Variants in NGEF observed in about 807,000 individuals in gnomAD.
The protein encoded by NGEF is neuronal guanine nucleotide exchange factor, also known as ephexin-1.
In NGEF, 31 loss-of-function variants were observed where a neutral mutation model predicts 80.9. The observed-to-expected ratio is 0.38, with a 90% CI of 0.29 to 0.52. NGEF has a LOEUF of 0.52. Ranked by LOEUF, NGEF falls within the 20% of genes least tolerant of loss-of-function variation. NGEF has a pLI of 0.84. For missense variants in NGEF, 709 were observed against 926.2 expected (o/e 0.77, Z 3.04); for synonymous variants, 371 against 370.2 (o/e 1.00, Z -0.03).
intron 1 of NGEF, among the ~76,000 whole-genome samples, chr2:233,010,520 C>T (rs943414247): frequency 6.6e-6 from 1 of 152,208 alleles, no homozygotes; most frequent in Non-Finnish European, 1.5e-5. Flanking sequence ...TCCATGCAGG[C>T]CTTGCTGATC....
chr2:232,910,605 C>T (rs1559205661), intron 5 of NGEF, among the ~76,000 whole-genome samples: 1 of 152,160 alleles, frequency 6.6e-6, no homozygotes, highest in Admixed American at 6.5e-5. Context: ...CTGGGTAGTA[C>T]CATAAGTGCA....
chr2:232,905,098 C>T, intron 5 of NGEF, among the ~76,000 whole-genome samples: 1 of 150,320 alleles, frequency 6.7e-6, no homozygotes. Flanking sequence ...CCCTCTCTCT[C>T]CTCTCACCTC....
rs13425959 is a variant in NGEF at position 232,975,744 on chromosome 2, G to A, written c.-74-780C>T. ...AGTGGGTCTAAGCTGGTGGGACAGCGTGTTAGACAGAGAGGCCGAGCTAGG... is the reference window on the plus strand; with the variant it reads ...AGTGGGTCTAAGCTGGTGGGACAGCATGTTAGACAGAGAGGCCGAGCTAGG... On this transcript the variant is annotated intron_variant, in intron 1 of 14. Transcript: ENST00000264051. 3.9e-3 allele frequency among the ~76,000 whole-genome samples: 593 copies of A among 152,244 alleles called. 3 individuals carry two copies. Among genetic ancestry groups the A allele is most frequent in the South Asian group, 0.011 (55 of 4,822 alleles).
chr2:232,990,766 T>C (rs1021804682), intron 1 of NGEF, among the ~76,000 whole-genome samples: 3 of 151,966 alleles, frequency 2.0e-5, no homozygotes, highest in Non-Finnish European at 2.9e-5. Context: ...CTAAACCAGA[T>C]AAAAGTCACA....
intron 3 of NGEF, among the ~76,000 whole-genome samples, chr2:232,940,025 C>A (rs998600920): frequency 1.3e-5 from 2 of 151,638 alleles, no homozygotes; most frequent in African/African-American, 2.4e-5. Flanking sequence ...TGAGGTCTCA[C>A]GAGAAGACCA....
At chr2:232,940,231 G>A (rs146729583) in intron 3 of NGEF, among the ~76,000 whole-genome samples, 18 of 152,272 alleles carry the variant, frequency 1.2e-4, no homozygotes, top group South Asian at 2.1e-4. Flanking sequence ...TGATAGCACC[G>A]TACAAATTAG....
At chr2:232,943,525 T>A (rs1308096969) in intron 3 of NGEF, among the ~76,000 whole-genome samples, 1 of 145,994 alleles carries the variant, frequency 6.8e-6, no homozygotes, top group Non-Finnish European at 1.5e-5. Flanking sequence ...AGACGGAGTC[T>A]CACTCTGTCG....
intron 3 of NGEF, among the ~76,000 whole-genome samples, chr2:232,937,468 G>A (rs555633656): frequency 1.3e-5 from 2 of 152,154 alleles, no homozygotes; most frequent in Admixed American, 6.6e-5. Flanking sequence ...GTTAATGGAC[G>A]ATCCAGGCTG....
At chr2:232,939,745 C>T (rs540878579) in intron 3 of NGEF, among the ~76,000 whole-genome samples, 5 of 152,208 alleles carry the variant, frequency 3.3e-5, no homozygotes, top group Non-Finnish European at 7.4e-5. Context: ...TGCCTGTAAT[C>T]CCAGCACTTT....
intron 3 of NGEF, among the ~76,000 whole-genome samples, chr2:232,948,587 A>G: frequency 6.6e-6 from 1 of 152,188 alleles, no homozygotes; most frequent in Non-Finnish European, 1.5e-5. Context: ...TTGACTCTAG[A>G]TTGAGGCCAT....
intron 3 of NGEF, among the ~76,000 whole-genome samples, chr2:232,965,455 G>C (rs1268626739): frequency 6.6e-6 from 1 of 152,126 alleles, no homozygotes; most frequent in Non-Finnish European, 1.5e-5. Flanking sequence ...CAAGAGCAGG[G>C]ATTCAGTTAT....
chr2:232,932,211 C>T (rs1353466591), intron 3 of NGEF, among the ~76,000 whole-genome samples: 4 of 143,318 alleles, frequency 2.8e-5, no homozygotes, highest in Non-Finnish European at 6.0e-5. Flanking sequence ...ATTGCCCAGG[C>T]TGGAGTGCAG....
At chr2:232,987,283 G>T (rs571483616) in intron 1 of NGEF, among the ~76,000 whole-genome samples, 1 of 152,294 alleles carries the variant, frequency 6.6e-6, no homozygotes, top group Non-Finnish European at 1.5e-5. Flanking sequence ...CTCCCAAAGT[G>T]CTGAGATTAC....
intron 3 of NGEF, among the ~76,000 whole-genome samples, chr2:232,954,455 G>A (rs948845828): frequency 3.3e-5 from 5 of 152,184 alleles, no homozygotes; most frequent in Admixed American, 6.5e-5. Context: ...GCCGGGCGCA[G>A]TGGCTCACAC....
rs1694788464 is a variant in NGEF, at chr2:232,995,371, A to ACTGTGTACAGTATG, written c.-75+17696_-75+17697insCATACTGTACACAG. Among the ~76,000 whole-genome samples, 2 of 12,830 alleles carry ACTGTGTACAGTATG rather than the reference A, an allele frequency of 1.6e-4. 1 individual carries two copies. The highest frequency in any genetic ancestry group is 1.3e-3 in the African/African-American group (2 of 1,582). The allele number at this position is 12,830 out of a possible 152,430, so 8.4% of individuals were successfully genotyped here. A position where few individuals can be genotyped will look rare whatever the true frequency, so the allele number is the denominator to read the frequency against. ...AGTATGTATACTGTATACTGTATAT[A>ACTGTGTACAGTATG]TATACACAGTATGTATACTGTATAC... On this transcript the variant is annotated intron_variant, in intron 1 of 14. Transcript: ENST00000264051.
At chr2:232,942,477 A>G (rs1693456295) in intron 3 of NGEF, among the ~76,000 whole-genome samples, 1 of 152,250 alleles carries the variant, frequency 6.6e-6, no homozygotes. Context: ...TTACAGAGAC[A>G]GGGACATCTT....
intron 1 of NGEF, among the ~76,000 whole-genome samples, chr2:232,983,367 C>T (rs894846204): frequency 2.0e-5 from 3 of 151,924 alleles, no homozygotes; most frequent in South Asian, 4.2e-4. Flanking sequence ...GAGGAGGGGA[C>T]CTTTTAGGAC....
At chr2:232,947,935 TA>T (rs1254351074) in intron 3 of NGEF, among the ~76,000 whole-genome samples, 5 of 152,150 alleles carry the variant, frequency 3.3e-5, no homozygotes, top group Admixed American at 6.5e-5. Context: ...CTAGATCTTT[TA>T]AAAAAACGTA....
intron 5 of NGEF, chr2:232,901,440 T>G: frequency 1.0e-6 from 1 of 985,514 alleles, no homozygotes; most frequent in Non-Finnish European, 1.2e-6. Flanking sequence ...GTTGTTTTTT[T>G]GGCTTCTCCC....
Sources: gnomAD v4.1 joint callset for allele counts (sites outside exome capture counted in the v4.1 genomes callset) on GRCh38, gnomAD v4.1.1 for gene constraint, MANE v1.5 for transcripts, NCBI Gene and HGNC (gene_info 2026-07-23, HGNC 2026-07-21) for gene names.